ARHGAP6: variants seen among roughly 807,000 people sequenced by gnomAD.
The protein encoded by ARHGAP6 is rho GTPase-activating protein 6.
A neutral mutation model predicts 55.7 loss-of-function variants in ARHGAP6; 16 were observed. That is an observed-to-expected ratio of 0.29 (90% CI 0.19 to 0.44). ARHGAP6 has a LOEUF of 0.44. Among genes scored for constraint, ARHGAP6 ranks in the 20% least tolerant of loss-of-function variants. ARHGAP6 has a pLI of 1.00. For synonymous variants in ARHGAP6, 382 were observed against 360.9 expected, an observed-to-expected ratio of 1.06 and a Z score of -0.66; for missense variants, 698 against 808.9, an observed-to-expected ratio of 0.86 and a Z score of 1.66.
At chrX:11,633,248 A>G (rs2052379830) in intron 1 of ARHGAP6, among the ~76,000 whole-genome samples, 1 of 112,581 alleles carries the variant, frequency 8.9e-6, no homozygotes, top group African/African-American at 3.2e-5. Flanking sequence ...GGCTACCTGG[A>G]CAAACATGCC....
At chrX:11,657,368 T>C (rs1314725180) in intron 1 of ARHGAP6, among the ~76,000 whole-genome samples, 1 of 109,106 alleles carries the variant, frequency 9.2e-6, no homozygotes, top group Non-Finnish European at 1.9e-5. Context: ...CACACTCCAC[T>C]TCAAATCCTT....
At chrX:11,378,407 A>G (rs1052360062) in intron 1 of ARHGAP6, among the ~76,000 whole-genome samples, 2 of 112,395 alleles carry the variant, frequency 1.8e-5, no homozygotes, top group African/African-American at 6.5e-5. Context: ...TTAAATATCA[A>G]GTGTGATCAG....
Position 11,190,230 on chromosome X carries a change from A to G in ARHGAP6, c.821-1246T>C, listed in dbSNP as rs189568430. On this transcript the variant is annotated intron_variant, in intron 3 of 12. Transcript: ENST00000337414. ...GCATGCAATTTGTTTTGAAGTAAAA[A>G]AGTCAAAACTTTAGTATTTCGGGAT... is the stretch of plus-strand genomic sequence containing the variant. Among the ~76,000 whole-genome samples, 12 of 111,697 alleles carry G rather than the reference A, an allele frequency of 1.1e-4. No homozygotes were observed. The Admixed American group carries it at 1.1e-3, about 11-fold the overall frequency.
chrX:11,240,004 A>G (rs1429968468), intron 2 of ARHGAP6, among the ~76,000 whole-genome samples: 3 of 112,105 alleles, frequency 2.7e-5, no homozygotes, highest in Non-Finnish European at 5.6e-5. Context: ...AGACTGAACC[A>G]GATATTTTAT....
Position 11,525,288 on chromosome X carries a change from A to G in ARHGAP6, c.588+138953T>C, listed in dbSNP as rs567462746. ...CCCTGAAGAGCCTATCTTACCATAT[A>G]CTCATCTTACTCATCTTCAGAGGTA... On this transcript the variant is annotated intron_variant, in intron 1 of 12. Coordinates refer to ENST00000337414, the MANE Select transcript of ARHGAP6 (RefSeq NM_013427.3). Among the ~76,000 whole-genome samples, 8 of 111,197 alleles carry G rather than the reference A, an allele frequency of 7.2e-5. No homozygotes were observed. In the South Asian group the frequency reaches 2.7e-3, roughly 37 times the overall value.
At chrX:11,337,897 C>T (rs1017929808) in intron 1 of ARHGAP6, among the ~76,000 whole-genome samples, 46 of 111,941 alleles carry the variant, frequency 4.1e-4, no homozygotes, top group African/African-American at 1.4e-3. Flanking sequence ...TTCAGCAGAG[C>T]TTTTGTGTTC....
At chrX:11,536,822 G>A (rs187673418) in intron 1 of ARHGAP6, among the ~76,000 whole-genome samples, 15 of 112,020 alleles carry the variant, frequency 1.3e-4, no homozygotes, top group Admixed American at 2.9e-4. Context: ...TAAAAAGTAC[G>A]CTTGAACTCT....
intron 1 of ARHGAP6, among the ~76,000 whole-genome samples, chrX:11,420,779 C>T (rs2049813487): frequency 9.0e-6 from 1 of 111,728 alleles, no homozygotes; most frequent in African/African-American, 3.3e-5. Context: ...CATACAGATG[C>T]AGATCCCACA....
intron 1 of ARHGAP6, among the ~76,000 whole-genome samples, chrX:11,446,791 G>A (rs1435619167): frequency 8.9e-6 from 1 of 112,046 alleles, no homozygotes; most frequent in Non-Finnish European, 1.9e-5. Flanking sequence ...TTGACATTTT[G>A]AGGAATATCT....
chrX:11,148,667 T>A (rs2045730952), intron 10 of ARHGAP6: 1 of 373,729 alleles, frequency 2.7e-6, no homozygotes, highest in Non-Finnish European at 5.2e-6. Flanking sequence ...GTAAACATGC[T>A]GGCAGGGTAC....
chrX:11,554,552 G>A (rs1289804385), intron 1 of ARHGAP6, among the ~76,000 whole-genome samples: 1 of 111,896 alleles, frequency 8.9e-6, no homozygotes, highest in African/African-American at 3.2e-5. Context: ...AATATGACAT[G>A]TACCTCCTAA....
At chrX:11,384,970 G>A (rs757594594) in intron 1 of ARHGAP6, among the ~76,000 whole-genome samples, 2 of 112,125 alleles carry the variant, frequency 1.8e-5, no homozygotes, top group South Asian at 7.4e-4. Flanking sequence ...AGTTGTCACA[G>A]AAATTTTCAA....
intron 1 of ARHGAP6, among the ~76,000 whole-genome samples, chrX:11,523,333 G>T (rs960099828): frequency 3.6e-5 from 4 of 110,946 alleles, no homozygotes; most frequent in Non-Finnish European, 7.5e-5. Flanking sequence ...ACAAGACAGG[G>T]ATGCCCTCTC....
Position 11,139,395 on chromosome X carries a change from C to T in ARHGAP6, c.2393G>A (p.Arg798Gln), listed in dbSNP as rs1394528955. 3 of 1,185,735 alleles carry T rather than the reference C, an allele frequency of 2.5e-6. No individual in the cohort carries two copies. Among genetic ancestry groups the T allele is most frequent in the South Asian group, 1.9e-5 (1 of 53,758 alleles). ...AELDSDTQGA[R>Q]RTQAAAPATE... ...CGCGGGGGCTGCGGCCTGAGTCCTCCGAGCCCCCTGCGTGTCGCTGTCCAG... is the reference window on the plus strand; with the variant it reads ...CGCGGGGGCTGCGGCCTGAGTCCTCTGAGCCCCCTGCGTGTCGCTGTCCAG... Residue 798 changes from arginine (R) to glutamine (Q), a missense_variant, in exon 13 of 13, where the codon CGG becomes CAG. Coordinates refer to ENST00000337414, the MANE Select transcript of ARHGAP6 (RefSeq NM_013427.3).
intron 10 of ARHGAP6, among the ~76,000 whole-genome samples, chrX:11,155,498 C>A (rs2045851203): frequency 9.0e-6 from 1 of 110,810 alleles, no homozygotes; most frequent in Non-Finnish European, 1.9e-5. Context: ...GGGGGTTTAG[C>A]CATGTTGGCC....
chrX:11,341,764 C>G (rs189218642), intron 1 of ARHGAP6, among the ~76,000 whole-genome samples: 3 of 112,015 alleles, frequency 2.7e-5, no homozygotes, highest in African/African-American at 9.7e-5. Flanking sequence ...CAAAGTTATA[C>G]GGGCTGATAA....
At position 11,414,085 on chromosome X, in the gene ARHGAP6, A is replaced by G. The variant is rs191480122; in HGVS notation, c.589-159378T>C. 6.2e-5 allele frequency among the ~76,000 whole-genome samples: 7 copies of G among 112,107 alleles called. No individual in the cohort carries two copies. The Admixed American group carries it at 6.6e-4, about 11-fold the overall frequency. The stretch of plus-strand genomic sequence containing the variant: ...ATGTGTCCCTTTCTTTTGCCTTCAT[A>G]CTGATGTAACGTAGACCTATCTACA... On this transcript the variant is annotated intron_variant, in intron 1 of 12. Coordinates refer to ENST00000337414, the MANE Select transcript of ARHGAP6 (RefSeq NM_013427.3).
intron 1 of ARHGAP6, among the ~76,000 whole-genome samples, chrX:11,353,327 A>C (rs189428441): frequency 1.0e-3 from 115 of 111,782 alleles, no homozygotes; most frequent in African/African-American, 3.5e-3. Flanking sequence ...TGGAGACAGA[A>C]GGGGATATTA....
chrX:11,221,820 G>A (rs2046976480), intron 2 of ARHGAP6, among the ~76,000 whole-genome samples: 1 of 111,080 alleles, frequency 9.0e-6, no homozygotes, highest in Admixed American at 9.6e-5. Flanking sequence ...TTGTTATTTT[G>A]TATTTTGTTA....
Sources: gnomAD v4.1 joint callset for allele counts (sites outside exome capture counted in the v4.1 genomes callset) on GRCh38, gnomAD v4.1.1 for gene constraint, MANE v1.5 for transcripts, NCBI Gene and HGNC (gene_info 2026-07-23, HGNC 2026-07-21) for gene names.